Variants in ENTREP2 observed in about 807,000 individuals in gnomAD.
ENTREP2 encodes the protein protein ENTREP2.
the ENTREP2 span, among the ~76,000 whole-genome samples, chr15:29,564,583 A>G: frequency 2.0e-5 from 3 of 152,196 alleles, no homozygotes; most frequent in Admixed American, 2.0e-4. Context: ...AGTTGCTCTC[A>G]CCTGTTGCCA....
At chr15:29,366,918 G>A in the ENTREP2 span, among the ~76,000 whole-genome samples, 1 of 152,130 alleles carries the variant, frequency 6.6e-6, no homozygotes, top group Admixed American at 6.5e-5. Flanking sequence ...GCCAAGTGAT[G>A]GATACAATGT....
chr15:29,669,498 A>C, the ENTREP2 span, among the ~76,000 whole-genome samples: 1 of 152,206 alleles, frequency 6.6e-6, no homozygotes, highest in African/African-American at 2.4e-5. Context: ...AGCCTCCAGA[A>C]GTGTAAGAAA....
At chr15:29,674,704 CG>C in the ENTREP2 span, among the ~76,000 whole-genome samples, 5 of 111,710 alleles carry the variant, frequency 4.5e-5, no homozygotes, top group Admixed American at 2.0e-4. Context: ...GGAGGCATGC[CG>C]GGGGGGCGGA....
At chr15:29,139,709 G>A in the ENTREP2 span, among the ~76,000 whole-genome samples, 3 of 152,296 alleles carry the variant, frequency 2.0e-5, no homozygotes, top group African/African-American at 7.2e-5. Flanking sequence ...CATCTGCTCC[G>A]GGTCGCCTTT....
the ENTREP2 span, among the ~76,000 whole-genome samples, chr15:29,306,594 C>G: frequency 1.4e-5 from 2 of 144,688 alleles, no homozygotes; most frequent in Admixed American, 1.4e-4. Context: ...GGTTTTTACA[C>G]TTGTTTCATA....
At chr15:29,614,926 G>C in the ENTREP2 span, among the ~76,000 whole-genome samples, 1 of 152,060 alleles carries the variant, frequency 6.6e-6, no homozygotes, top group African/African-American at 2.4e-5. Context: ...AAAAAAGAAA[G>C]AAGTTACTGC....
At chr15:29,289,070 G>C in the ENTREP2 span, among the ~76,000 whole-genome samples, 1 of 151,936 alleles carries the variant, frequency 6.6e-6, no homozygotes, top group South Asian at 2.1e-4. Flanking sequence ...AGCTGGGTGT[G>C]GTGGTGTATG....
chr15:29,201,990 C>T, the ENTREP2 span, among the ~76,000 whole-genome samples: 13 of 152,052 alleles, frequency 8.5e-5, no homozygotes, highest in South Asian at 8.3e-4. Context: ...TCATAGTGTA[C>T]GAGTTGTGTT....
chr15:29,614,584 T>C, the ENTREP2 span, among the ~76,000 whole-genome samples: 7,908 of 152,264 alleles, frequency 0.052, 241 homozygotes, highest in East Asian at 0.16. Flanking sequence ...TTCCTTCTGG[T>C]ACCCTCCTCC....
the ENTREP2 span, among the ~76,000 whole-genome samples, chr15:29,627,570 C>T: frequency 2.0e-5 from 3 of 150,740 alleles, no homozygotes; most frequent in Admixed American, 2.0e-4. Context: ...AGTCATGTTA[C>T]CATTACCAGT....
At chr15:29,151,791 A>G in the ENTREP2 span, 1 of 1,551,684 alleles carries the variant, frequency 6.4e-7, no homozygotes, top group African/African-American at 1.4e-5. Context: ...TGGCCAGCGC[A>G]CACACGATAG....
chr15:29,414,122 T>C, the ENTREP2 span, among the ~76,000 whole-genome samples: 2 of 152,072 alleles, frequency 1.3e-5, no homozygotes, highest in Non-Finnish European at 2.9e-5. Flanking sequence ...TATCCAGGAA[T>C]TGGACTCAGC....
chr15:29,251,744 CTTTT>C, the ENTREP2 span, among the ~76,000 whole-genome samples: 1 of 97,858 alleles, frequency 1.0e-5, no homozygotes, highest in Non-Finnish European at 1.9e-5. Flanking sequence ...TTTTTTGTGA[CTTTT>C]TTTTTTTTTT....
the ENTREP2 span, among the ~76,000 whole-genome samples, chr15:29,628,928 TTAG>T: frequency 3.3e-4 from 51 of 152,276 alleles, no homozygotes; most frequent in African/African-American, 1.2e-3. Context: ...TTTTGTAATT[TTAG>T]TAGAGACAGC....
the ENTREP2 span, chr15:29,196,776 G>C: frequency 2.1e-6 from 1 of 483,234 alleles, no homozygotes; most frequent in Non-Finnish European, 3.6e-6. Context: ...TATAGAAAAA[G>C]CAAAAGTACA....
the ENTREP2 span, among the ~76,000 whole-genome samples, chr15:29,395,139 C>G: frequency 6.6e-6 from 1 of 151,502 alleles, no homozygotes; most frequent in East Asian, 2.0e-4. Flanking sequence ...CCGCCCGCCT[C>G]GGCCTCCCAA....
At chr15:29,448,010 G>A in the ENTREP2 span, among the ~76,000 whole-genome samples, 2 of 152,146 alleles carry the variant, frequency 1.3e-5, no homozygotes, top group African/African-American at 2.4e-5. Flanking sequence ...AGGCTGCAGT[G>A]AGCGGGATTG....
chr15:29,563,770 G>A, the ENTREP2 span, among the ~76,000 whole-genome samples: 1 of 152,086 alleles, frequency 6.6e-6, no homozygotes, highest in Admixed American at 6.6e-5. Context: ...CCGGGAGGCT[G>A]AGGATGTAGT....
the ENTREP2 span, among the ~76,000 whole-genome samples, chr15:29,243,932 C>T: frequency 6.6e-6 from 1 of 152,226 alleles, no homozygotes; most frequent in Admixed American, 6.5e-5. Flanking sequence ...AAATCAAATT[C>T]TTCCACTTTC....
Sources: allele counts gnomAD v4.1 joint callset (sites outside exome capture counted in the v4.1 genomes callset), GRCh38; gene constraint gnomAD v4.1.1; transcripts MANE v1.5; gene names NCBI Gene and HGNC (gene_info 2026-07-23, HGNC 2026-07-21).